Variants in CSMD1 observed in about 807,000 individuals in gnomAD.
The protein encoded by CSMD1 is CUB and Sushi multiple domains 1.
A neutral mutation model predicts 417.5 loss-of-function variants in CSMD1; 213 were observed. The ratio of observed to expected loss-of-function variants is 0.51; its 90% CI spans 0.46 to 0.57. CSMD1 has a LOEUF of 0.57. CSMD1 is among the 20% of genes least tolerant of loss of function. CSMD1 has a pLI of 0.00. For missense variants in CSMD1, 6,923 were observed against 4,529.7 expected, an observed-to-expected ratio of 1.53 and a Z score of -15.17; for synonymous variants, 2,862 against 1,736.8, an observed-to-expected ratio of 1.65 and a Z score of -16.11.
At chr8:4,457,217 G>T (rs770672298) in intron 2 of CSMD1, among the ~76,000 whole-genome samples, 3 of 152,026 alleles carry the variant, frequency 2.0e-5, no homozygotes, top group Non-Finnish European at 4.4e-5. Flanking sequence ...AGGGAAGGGG[G>T]GAACTCATCT....
At chr8:4,454,531 C>T (rs1001007585) in intron 2 of CSMD1, among the ~76,000 whole-genome samples, 5 of 152,150 alleles carry the variant, frequency 3.3e-5, no homozygotes, top group Non-Finnish European at 7.3e-5. Context: ...AGTGTGGTTT[C>T]TGATTTCTAA....
In CSMD1 at chr8:4,745,752, T is replaced by C. The variant is rs545433177; in HGVS notation, c.86-108194A>G. Among the ~76,000 whole-genome samples, 15 of 152,298 alleles carry C rather than the reference T, an allele frequency of 9.8e-5. No homozygotes were observed. In the South Asian group the frequency reaches 2.9e-3, roughly 29 times the overall value. Reference sequence around the variant, plus strand: ...TAATGGAGTAACACTCTCCAACATATTTAAATCTATAGGAACACGCATTTT... The same window carrying C: ...TAATGGAGTAACACTCTCCAACATACTTAAATCTATAGGAACACGCATTTT... On this transcript the variant is annotated intron_variant, in intron 1 of 69. Coordinates refer to ENST00000635120, the MANE Select transcript of CSMD1 (RefSeq NM_033225.6).
chr8:3,361,735 A>C (rs1809196108), intron 20 of CSMD1, among the ~76,000 whole-genome samples: 2 of 151,270 alleles, frequency 1.3e-5, no homozygotes, highest in Non-Finnish European at 1.5e-5. Flanking sequence ...TATACCTATT[A>C]TCTTATATAA....
chr8:3,945,835 G>C (rs1051889405), intron 5 of CSMD1, among the ~76,000 whole-genome samples: 1 of 152,074 alleles, frequency 6.6e-6, no homozygotes, highest in Non-Finnish European at 1.5e-5. Context: ...TAGTATAAAA[G>C]GTAAATATTG....
At chr8:3,530,377 G>T (rs758912887) in intron 10 of CSMD1, among the ~76,000 whole-genome samples, 20 of 152,132 alleles carry the variant, frequency 1.3e-4, no homozygotes, top group Admixed American at 3.9e-4. Flanking sequence ...TTGTCTCAAG[G>T]AAGTTTCCAA....
chr8:4,439,088 T>C (rs1314759565), intron 2 of CSMD1, among the ~76,000 whole-genome samples: 1 of 152,188 alleles, frequency 6.6e-6, no homozygotes, highest in African/African-American at 2.4e-5. Flanking sequence ...ATTTCATCTG[T>C]ATTATATGGT....
chr8:3,931,541 T>C (rs1437729188), intron 5 of CSMD1, among the ~76,000 whole-genome samples: 1 of 150,228 alleles, frequency 6.7e-6, no homozygotes, highest in Non-Finnish European at 1.5e-5. Flanking sequence ...TAAATTTGTT[T>C]AACAAACTTC....
intron 3 of CSMD1, among the ~76,000 whole-genome samples, chr8:4,256,725 A>G (rs148795963): frequency 3.9e-5 from 6 of 152,238 alleles, no homozygotes; most frequent in African/African-American, 1.4e-4. Context: ...GGAAGGCGCC[A>G]GGCACAGTTA....
chr8:3,856,576 C>G (rs573468881), intron 5 of CSMD1, among the ~76,000 whole-genome samples: 1 of 152,282 alleles, frequency 6.6e-6, no homozygotes, highest in South Asian at 2.1e-4. Context: ...CTGAGTATGG[C>G]AGACTGTATT....
At chr8:4,897,912 T>C (rs1804610815) in intron 1 of CSMD1, among the ~76,000 whole-genome samples, 1 of 152,140 alleles carries the variant, frequency 6.6e-6, no homozygotes. Flanking sequence ...GTGGCTTTGT[T>C]AAGTGGGGAC....
At chr8:3,062,700 G>A (rs1422129654) in intron 49 of CSMD1, among the ~76,000 whole-genome samples, 1 of 151,980 alleles carries the variant, frequency 6.6e-6, no homozygotes, top group Non-Finnish European at 1.5e-5. Flanking sequence ...TTATGAATTT[G>A]AAACAGACAA....
intron 5 of CSMD1, among the ~76,000 whole-genome samples, chr8:3,904,784 G>C (rs959754081): frequency 7.6e-4 from 116 of 151,846 alleles, no homozygotes; most frequent in African/African-American, 2.8e-3. Flanking sequence ...TTACAGGTGT[G>C]CATCACCATG....
At chr8:4,946,052 C>T (rs565532108) in intron 1 of CSMD1, among the ~76,000 whole-genome samples, 3 of 152,114 alleles carry the variant, frequency 2.0e-5, no homozygotes, top group Non-Finnish European at 4.4e-5. Flanking sequence ...CTGCTGTGGT[C>T]CTTCAGCATT....
chr8:3,118,778 C>A (rs1048245404), intron 41 of CSMD1, among the ~76,000 whole-genome samples, 191 bp from the exon 42 acceptor site: 1 of 152,116 alleles, frequency 6.6e-6, no homozygotes, highest in South Asian at 2.1e-4. Context: ...GAATCATAAC[C>A]ATATGCATTT....
chr8:4,219,917 G>C (rs1189820428), intron 3 of CSMD1, among the ~76,000 whole-genome samples: 2 of 152,132 alleles, frequency 1.3e-5, no homozygotes, highest in East Asian at 1.9e-4. Context: ...TAATATGATG[G>C]AGAGAATCAC....
At chr8:3,059,601 G>A (rs1342846544) in intron 49 of CSMD1, among the ~76,000 whole-genome samples, 1 of 152,138 alleles carries the variant, frequency 6.6e-6, no homozygotes, top group Non-Finnish European at 1.5e-5. Flanking sequence ...AAGATGGGCA[G>A]TGACACCAAC....
chr8:4,379,373 T>A (rs115245116), intron 3 of CSMD1, among the ~76,000 whole-genome samples: 1 of 152,238 alleles, frequency 6.6e-6, no homozygotes, highest in Admixed American at 6.5e-5. Flanking sequence ...ATAAATAGAA[T>A]GTAGAATTTT....
At chr8:4,473,573 T>C (rs1179646827) in intron 2 of CSMD1, among the ~76,000 whole-genome samples, 1 of 152,222 alleles carries the variant, frequency 6.6e-6, no homozygotes, top group African/African-American at 2.4e-5. Context: ...ATATCAATAG[T>C]AGTTATGCAC....
At chr8:3,120,141 T>C (rs920113839) in intron 41 of CSMD1, among the ~76,000 whole-genome samples, 2 of 152,122 alleles carry the variant, frequency 1.3e-5, no homozygotes, top group African/African-American at 2.4e-5. Flanking sequence ...TTTGTTTCTG[T>C]GTTCAGGACC....
Sources: allele counts gnomAD v4.1 joint callset (sites outside exome capture counted in the v4.1 genomes callset), GRCh38; gene constraint gnomAD v4.1.1; transcripts MANE v1.5; gene names NCBI Gene and HGNC (gene_info 2026-07-23, HGNC 2026-07-21).